Variants in ABTB2 observed in about 807,000 individuals in gnomAD.
ABTB2 encodes ankyrin repeat and BTB domain containing 2.
A neutral mutation model predicts 104.1 loss-of-function variants in ABTB2; 56 were observed. That is an observed-to-expected ratio of 0.54 (90% CI 0.43 to 0.67). The LOEUF (loss-of-function observed/expected upper bound fraction) is 0.67, where lower values mean the gene tolerates loss of function less well. Ranked by LOEUF, ABTB2 falls within the 30% of genes least tolerant of loss-of-function variation. The pLI, the probability that ABTB2 is intolerant of heterozygous loss-of-function variation, is 0.00. For synonymous variants in ABTB2, 606 were observed against 608.2 expected (o/e 1.00, Z 0.05); for missense variants, 1,279 against 1,407.7 (o/e 0.91, Z 1.46).
At position 34,197,391 on chromosome 11, in the gene ABTB2, C is replaced by T; in HGVS notation, c.1178G>A (p.Cys393Tyr). Residue 393 changes from cysteine to tyrosine, a missense_variant, in exon 3 of 17, where the codon TGT (cysteine) becomes TAT (tyrosine). By Grantham distance (194) the Cys-to-Tyr change is radical. Coordinates refer to ENST00000435224, the MANE Select transcript of ABTB2 (RefSeq NM_145804.3). ...ALHTLYYFLRCPQMESMENPN... is the reference protein window; with the variant it reads ...ALHTLYYFLRYPQMESMENPN... ...GTTCTCCATGGACTCCATCTGTGGA[C>T]ACCGCAGAAAGTAGTAGAGCGTGTG... 6.2e-7 allele frequency: 1 copy of T among 1,613,752 alleles called. No individual in the cohort carries two copies. Among genetic ancestry groups the T allele is most frequent in the Non-Finnish European group, 8.5e-7 (1 of 1,179,830 alleles).
chr11:34,172,810 A>G (rs996845305), intron 4 of ABTB2, among the ~76,000 whole-genome samples: 2 of 152,198 alleles, frequency 1.3e-5, no homozygotes, highest in African/African-American at 4.8e-5. Flanking sequence ...TGTGGTGTCA[A>G]TTACAGGAAC....
intron 1 of ABTB2, among the ~76,000 whole-genome samples, chr11:34,234,055 C>T (rs1371894962): frequency 6.6e-6 from 1 of 152,202 alleles, no homozygotes; most frequent in Non-Finnish European, 1.5e-5. Flanking sequence ...CATCCCAGGG[C>T]ACCTGAAGCA....
At chr11:34,174,658 C>T (rs1050923024) in intron 3 of ABTB2, among the ~76,000 whole-genome samples, 1 of 152,258 alleles carries the variant, frequency 6.6e-6, no homozygotes, top group African/African-American at 2.4e-5. Flanking sequence ...TTGGAGCCCC[C>T]TCAGGAGACC....
chr11:34,334,716 A>G (rs1855172149), intron 1 of ABTB2, among the ~76,000 whole-genome samples: 1 of 150,502 alleles, frequency 6.6e-6, no homozygotes, highest in South Asian at 2.1e-4. Context: ...TCTCTCTTAC[A>G]TGGTATTTAC....
intron 1 of ABTB2, chr11:34,335,543 TG>T: frequency 7.8e-7 from 1 of 1,288,248 alleles, no homozygotes; most frequent in Non-Finnish European, 1.1e-6. Context: ...GCCACAATTC[TG>T]GACACGTTTG....
chr11:34,234,249 T>A (rs994527415), intron 1 of ABTB2, among the ~76,000 whole-genome samples: 1 of 152,048 alleles, frequency 6.6e-6, no homozygotes, highest in African/African-American at 2.4e-5. Context: ...CCGGGTGAAG[T>A]CATGCTGAGA....
chr11:34,335,652 T>A, intron 1 of ABTB2: 1 of 1,436,426 alleles, frequency 7.0e-7, no homozygotes, highest in Non-Finnish European at 9.8e-7. Context: ...CATTCACATA[T>A]TGTGTCATCA....
intron 1 of ABTB2, among the ~76,000 whole-genome samples, chr11:34,249,929 A>G (rs1419880084): frequency 1.3e-5 from 2 of 152,344 alleles, no homozygotes; most frequent in South Asian, 2.1e-4. Context: ...GCTGGTATAG[A>G]GTGGTCTACA....
chr11:34,229,317 C>T lies in ABTB2; in HGVS notation c.884-24627G>A, dbSNP rs187816054. ...CTAACACGATGAAACCCGTCTCTAC[C>T]AAAAATACAAAAAATTAGCCAGGTG... On this transcript the variant is annotated intron_variant, in intron 1 of 16. Coordinates refer to ENST00000435224, the MANE Select transcript of ABTB2 (RefSeq NM_145804.3). 1.8e-4 allele frequency among the ~76,000 whole-genome samples: 27 copies of T among 150,598 alleles called. 1 individual carries two copies. The East Asian group carries it at 4.9e-3, about 27-fold the overall frequency.
At chr11:34,308,961 G>T (rs1162669223) in intron 1 of ABTB2, among the ~76,000 whole-genome samples, 2 of 151,494 alleles carry the variant, frequency 1.3e-5, no homozygotes, top group Non-Finnish European at 2.9e-5. Context: ...TGGTCTCGAA[G>T]AATTAAAATT....
chr11:34,342,611 A>G (rs1278233309), intron 1 of ABTB2, among the ~76,000 whole-genome samples: 1 of 152,210 alleles, frequency 6.6e-6, no homozygotes, highest in African/African-American at 2.4e-5. Flanking sequence ...ATCACATGAT[A>G]TAATACATGT....
At chr11:34,342,920 C>T (rs1013924429) in intron 1 of ABTB2, among the ~76,000 whole-genome samples, 3 of 148,702 alleles carry the variant, frequency 2.0e-5, no homozygotes, top group Admixed American at 6.7e-5. Flanking sequence ...ACTCCCATTT[C>T]ATTTATTTAT....
intron 1 of ABTB2, among the ~76,000 whole-genome samples, chr11:34,299,578 C>A (rs1854674035): frequency 6.6e-6 from 1 of 152,322 alleles, no homozygotes; most frequent in South Asian, 2.1e-4. Context: ...AGCCTGCCAG[C>A]CCACCACTCC....
chr11:34,182,506 G>A (rs117989378), intron 3 of ABTB2, among the ~76,000 whole-genome samples: 5,421 of 136,872 alleles, frequency 0.04, 603 homozygotes, highest in Non-Finnish European at 0.06. Flanking sequence ...CTGGGGGGGG[G>A]GGGAAATTCA....
At chr11:34,186,356 C>T (rs529776705) in intron 3 of ABTB2, among the ~76,000 whole-genome samples, 160 of 152,334 alleles carry the variant, frequency 1.1e-3, no homozygotes, top group African/African-American at 3.6e-3. Context: ...AGTGAGAGCA[C>T]GCCAGGAACC....
chr11:34,221,911 T>A (rs1215802970), intron 1 of ABTB2, among the ~76,000 whole-genome samples: 1 of 152,174 alleles, frequency 6.6e-6, no homozygotes, highest in African/African-American at 2.4e-5. Context: ...TGGTGGTGCA[T>A]GCCTGTAATC....
chr11:34,330,889 T>C (rs2755148), intron 1 of ABTB2, among the ~76,000 whole-genome samples: 60,370 of 152,132 alleles, frequency 0.4, 13,758 homozygotes, highest in Middle Eastern at 0.53. Flanking sequence ...CAGAGCTACA[T>C]CTGCAAAAGT....
intron 1 of ABTB2, among the ~76,000 whole-genome samples, chr11:34,210,758 A>T (rs1429574678): frequency 6.6e-6 from 1 of 152,198 alleles, no homozygotes; most frequent in Non-Finnish European, 1.5e-5. Flanking sequence ...TTGAAAGGAA[A>T]ACCAGAGGGC....
At chr11:34,188,949 G>A in intron 3 of ABTB2, among the ~76,000 whole-genome samples, 1 of 152,188 alleles carries the variant, frequency 6.6e-6, no homozygotes, top group Non-Finnish European at 1.5e-5. Context: ...TAGGAAGCAG[G>A]CACAGTTCAG....
Sources: allele counts gnomAD v4.1 joint callset (sites outside exome capture counted in the v4.1 genomes callset), GRCh38; gene constraint gnomAD v4.1.1; transcripts MANE v1.5; gene names NCBI Gene and HGNC (gene_info 2026-07-23, HGNC 2026-07-21).